ATXN1: variants seen among roughly 807,000 people sequenced by gnomAD.
The protein encoded by ATXN1 is ataxin-1.
In ATXN1, 8 loss-of-function variants were observed where a neutral mutation model predicts 56.4. That is an observed-to-expected ratio of 0.14 (90% confidence interval 0.08 to 0.26). ATXN1 has a LOEUF of 0.26. Ranked by LOEUF, ATXN1 falls within the 10% of genes least tolerant of loss-of-function variation. The pLI is 1.00. For synonymous variants in ATXN1, 514 were observed against 494.6 expected (o/e 1.04, Z -0.52); for missense variants, 987 against 1,106.5 (o/e 0.89, Z 1.53).
At chr6:16,516,686 G>A (rs1387735203) in intron 5 of ATXN1, among the ~76,000 whole-genome samples, 1 of 152,182 alleles carries the variant, frequency 6.6e-6, no homozygotes, top group Admixed American at 6.5e-5. Context: ...ATCCTATCCT[G>A]ACTAATACAA....
chr6:16,538,607 G>A (rs1202726704), intron 4 of ATXN1, among the ~76,000 whole-genome samples: 2 of 100,966 alleles, frequency 2.0e-5, no homozygotes, highest in Non-Finnish European at 3.8e-5. Flanking sequence ...AACAGGCCCC[G>A]GTGTGTGATG....
chr6:16,741,950 T>C (rs1165427050), intron 2 of ATXN1, among the ~76,000 whole-genome samples: 2 of 151,954 alleles, frequency 1.3e-5, no homozygotes, highest in Non-Finnish European at 2.9e-5. Flanking sequence ...TTCTGAAGAG[T>C]AGAGAAAGGT....
chr6:16,300,091 C>T lies in ATXN1; in HGVS notation c.*6238G>A, dbSNP rs542603251. On this transcript the variant is annotated 3_prime_UTR_variant, in exon 8 of 8. Transcript: ENST00000436367. The stretch of plus-strand genomic sequence containing the variant: ...GGATTACTGTAAACAACACTTCCAA[C>T]GAAGGCCTTCAGATTGGCCACAGAA... The T allele has an allele frequency of 3.9e-5, 6 of 152,726 alleles. No homozygotes were observed. Among genetic ancestry groups the T allele is most frequent in the South Asian group, 4.1e-4 (2 of 4,824 alleles). 9.5% of individuals were successfully genotyped at this position (152,726 alleles called of 1,614,324 possible). A position where few individuals can be genotyped will look rare whatever the true frequency, so the allele number is the denominator to read the frequency against.
rs543149667 is a variant in ATXN1, at chr6:16,328,170, C to T, written c.141G>A (p.Pro47=). 3.5e-5 allele frequency: 56 copies of T among 1,593,452 alleles called. No homozygotes were observed. Among genetic ancestry groups the T allele is most frequent in the East Asian group, 9.0e-5 (4 of 44,562 alleles). Residue 47 remains proline (P), a synonymous_variant, in exon 7 of 8, where the codon CCG becomes CCA. Coordinates refer to ENST00000436367, the MANE Select transcript of ATXN1 (RefSeq NM_001128164.2). The surrounding 1 kb of genome is among the most constrained non-coding windows in gnomAD (Gnocchi z 6.2). The part of the protein sequence containing the change: ...NHRVEGTAWL[P]GNPGGRGHGG... ...CGTGGCCCCGGCCACCAGGGTTGCCCGGGAGCCATGCTGTGCCCTCCACCC... is the reference window on the plus strand; with the variant it reads ...CGTGGCCCCGGCCACCAGGGTTGCCTGGGAGCCATGCTGTGCCCTCCACCC...
intron 6 of ATXN1, among the ~76,000 whole-genome samples, chr6:16,340,722 G>A (rs1487657975): frequency 1.3e-5 from 2 of 152,194 alleles, no homozygotes; most frequent in East Asian, 3.8e-4. Context: ...AATAGGCCAA[G>A]TAATAAAATA....
At chr6:16,526,592 C>T (rs1308687458) in intron 4 of ATXN1, among the ~76,000 whole-genome samples, 6 of 152,014 alleles carry the variant, frequency 3.9e-5, no homozygotes, top group Admixed American at 6.6e-5. Flanking sequence ...TGGTGAAACC[C>T]TGTCTCTACT....
intron 6 of ATXN1, among the ~76,000 whole-genome samples, chr6:16,384,805 A>C (rs1324128400): frequency 1.3e-5 from 2 of 152,220 alleles, no homozygotes; most frequent in Non-Finnish European, 2.9e-5. Context: ...CTCCCCAGCC[A>C]TGTTTCCTGT....
chr6:16,718,720 G>T (rs1011483201), intron 2 of ATXN1, among the ~76,000 whole-genome samples: 1 of 152,220 alleles, frequency 6.6e-6, no homozygotes, highest in Non-Finnish European at 1.5e-5. Flanking sequence ...TAGTGAGAAA[G>T]AACATTTCCC....
intron 6 of ATXN1, among the ~76,000 whole-genome samples, chr6:16,448,822 C>G (rs1459221144): frequency 6.6e-6 from 1 of 152,226 alleles, no homozygotes; most frequent in African/African-American, 2.4e-5. Flanking sequence ...TTTGATGTCC[C>G]TAGCAGAGAT....
At chr6:16,605,842 T>C (rs551075450) in intron 3 of ATXN1, among the ~76,000 whole-genome samples, 3 of 152,246 alleles carry the variant, frequency 2.0e-5, no homozygotes, top group African/African-American at 4.8e-5. Flanking sequence ...AAGATAACGA[T>C]ACTGACCAGG....
intron 6 of ATXN1, among the ~76,000 whole-genome samples, chr6:16,465,663 C>T (rs751273795): frequency 3.3e-5 from 5 of 151,888 alleles, no homozygotes; most frequent in Admixed American, 2.0e-4. Context: ...CATGTTTGAC[C>T]GGAAGACAAG....
intron 6 of ATXN1, among the ~76,000 whole-genome samples, chr6:16,370,637 G>A (rs1207709880): frequency 1.3e-5 from 2 of 152,150 alleles, no homozygotes; most frequent in African/African-American, 4.8e-5. Flanking sequence ...TTTACATTTT[G>A]ATTGTATTTT....
intron 4 of ATXN1, among the ~76,000 whole-genome samples, chr6:16,562,229 C>T (rs946011023): frequency 4.0e-5 from 6 of 151,324 alleles, no homozygotes; most frequent in South Asian, 2.1e-4. Flanking sequence ...AAAAATTAGC[C>T]AGGTGTGGTG....
At chr6:16,589,221 G>A (rs762669164) in intron 3 of ATXN1, among the ~76,000 whole-genome samples, 1 of 151,948 alleles carries the variant, frequency 6.6e-6, no homozygotes, top group African/African-American at 2.4e-5. Context: ...CCCTATTAAA[G>A]CAATTATCAT....
At chr6:16,499,094 T>C (rs1364910980) in intron 5 of ATXN1, among the ~76,000 whole-genome samples, 1 of 152,170 alleles carries the variant, frequency 6.6e-6, no homozygotes, top group East Asian at 1.9e-4. Flanking sequence ...GTCATGAAGA[T>C]TTACTCCTGT....
chr6:16,345,925 T>C (rs1465640600), intron 6 of ATXN1, among the ~76,000 whole-genome samples: 1 of 152,124 alleles, frequency 6.6e-6, no homozygotes, highest in Non-Finnish European at 1.5e-5. Flanking sequence ...CAGCTCAGCG[T>C]CATTAACTTA....
intron 3 of ATXN1, among the ~76,000 whole-genome samples, chr6:16,598,238 G>A (rs999564912): frequency 1.9e-4 from 29 of 152,256 alleles, no homozygotes; most frequent in African/African-American, 5.1e-4. Context: ...ACAACCTGCC[G>A]GAACGGGTTG....
intron 6 of ATXN1, among the ~76,000 whole-genome samples, chr6:16,450,055 T>A (rs1282503386): frequency 6.6e-6 from 1 of 152,256 alleles, no homozygotes; most frequent in African/African-American, 2.4e-5. Context: ...TCGTTTCATA[T>A]GTTGAGGTTT....
At chr6:16,590,695 G>A (rs1488156449) in intron 3 of ATXN1, among the ~76,000 whole-genome samples, 2 of 150,946 alleles carry the variant, frequency 1.3e-5, no homozygotes, top group African/African-American at 4.9e-5. Flanking sequence ...TTTGAGACAA[G>A]TTCTCACTCT....
Sources: gnomAD v4.1 joint callset for allele counts (sites outside exome capture counted in the v4.1 genomes callset) on GRCh38, gnomAD v4.1.1 for gene constraint, Gnocchi (gnomAD v3.1) non-coding constraint, MANE v1.5 for transcripts, NCBI Gene and HGNC (gene_info 2026-07-23, HGNC 2026-07-21) for gene names.